SI: variants seen among roughly 807,000 people sequenced by gnomAD.
SI encodes sucrase-isomaltase, intestinal.
A neutral mutation model predicts 253.3 loss-of-function variants in SI; 235 were observed. That is an observed-to-expected ratio of 0.93 (90% CI 0.83 to 1.03). SI has a LOEUF of 1.03. Ranked by LOEUF, SI falls within the 50% of genes least tolerant of loss-of-function variation. SI has a pLI of 0.00. For synonymous variants in SI, 819 were observed against 712.0 expected (o/e 1.15, Z -2.39); for missense variants, 2,442 against 2,211.1 (o/e 1.10, Z -2.09).
At chr3:165,049,587 A>G (rs150987719) in intron 14 of SI, among the ~76,000 whole-genome samples, 3 of 152,236 alleles carry the variant, frequency 2.0e-5, no homozygotes, top group African/African-American at 4.8e-5. Context: ...TTATGGACCA[A>G]TTTTAAAGCC....
chr3:165,087,017 G>T, the SI span, among the ~76,000 whole-genome samples: 4 of 152,072 alleles, frequency 2.6e-5, no homozygotes, highest in Non-Finnish European at 4.4e-5. Flanking sequence ...AATATCCCAC[G>T]TGCTCCCCTA....
rs749139836 is a variant in SI at position 165,055,232 on chromosome 3, T to C, written c.1474A>G (p.Ile492Val). Residue 492 changes from isoleucine to valine, a missense_variant, in exon 13 of 48, where the codon ATT becomes GTT. Coordinates refer to ENST00000264382, the MANE Select transcript of SI (RefSeq NM_001041.4). The part of the protein sequence containing the change: ...CIDWWANECS[I>V]FHQEVQYDGL... Reference sequence around the variant, plus strand: ...TCATATTGCACTTCTTGATGGAAAATACTGCATTCATTTGCCCACCAATCA... The same window carrying C: ...TCATATTGCACTTCTTGATGGAAAACACTGCATTCATTTGCCCACCAATCA... The C allele has an allele frequency of 2.1e-5, 34 of 1,611,646 alleles. No individual in the cohort carries two copies. In the Middle Eastern group the frequency reaches 6.6e-4, roughly 31 times the overall value.
At chr3:165,073,977 A>G (rs951701415) in intron 3 of SI, among the ~76,000 whole-genome samples, 4 of 152,022 alleles carry the variant, frequency 2.6e-5, no homozygotes, top group Non-Finnish European at 5.9e-5. Context: ...ACACCCACAC[A>G]CAATGACTTT....
the SI span, among the ~76,000 whole-genome samples, chr3:165,086,079 C>A: frequency 6.6e-6 from 1 of 151,998 alleles, no homozygotes; most frequent in Non-Finnish European, 1.5e-5. Context: ...CATAGTGAAA[C>A]CATGTCTCTA....
rs1288978303 is a variant in SI at position 165,017,549 on chromosome 3, T to C, written c.3758A>G (p.Tyr1253Cys). 1.9e-6 allele frequency: 3 copies of C among 1,611,162 alleles called. No homozygotes were observed. Among genetic ancestry groups the C allele is most frequent in the Non-Finnish European group, 2.5e-6 (3 of 1,177,762 alleles). The change falls in exon 31 of 48, where the codon TAT becomes TGT. Residue 1253 changes from tyrosine to cysteine, a missense_variant and splice_region_variant. Physicochemically the swap from Tyr to Cys is radical, Grantham distance 194. Coordinates refer to ENST00000264382, the MANE Select transcript of SI (RefSeq NM_001041.4). ...TTGTTTTAAAATTGATATACATACA[T>C]AGGGGATGTTAGCAGCCACCATAGC... is the stretch of plus-strand genomic sequence containing the variant. ...YDAMVAANIP[Y>C]DVQYTDIDYM...
chr3:164,987,079 A>G, intron 45 of SI, 59 bp downstream of exon 45: 1 of 1,277,676 alleles, frequency 7.8e-7, no homozygotes, highest in Non-Finnish European at 1.1e-6. Flanking sequence ...TAGATAACGT[A>G]AAAGTAATGT....
rs377619918 is a variant in SI at position 164,996,517 on chromosome 3, A to T, written c.4692+18T>A. The T allele has an allele frequency of 8.1e-7, 1 of 1,240,968 alleles. No homozygotes were observed. The highest frequency in any genetic ancestry group is 1.5e-5 in the African/African-American group (1 of 67,448). The allele number at this position is 1,240,968 out of a possible 1,614,324, so 76.9% of individuals were successfully genotyped here. A position where few individuals can be genotyped will look rare whatever the true frequency, so the allele number is the denominator to read the frequency against. On this transcript the variant is annotated intron_variant, in intron 40 of 47. Transcript: ENST00000264382. ...CCCAAGTAAGAAAATACTGAAAGTA[A>T]ATGTAGTAATTACATACTCTAGTAT... is the stretch of plus-strand genomic sequence containing the variant.
intron 46 of SI, 130 bp downstream of exon 46, chr3:164,982,872 A>G: frequency 1.2e-6 from 1 of 811,890 alleles, no homozygotes; most frequent in African/African-American, 1.7e-5. Flanking sequence ...ACAGGTCTTG[A>G]ACCCCTGGCC....
chr3:164,986,835 G>A (rs1205787821), intron 45 of SI, among the ~76,000 whole-genome samples: 2 of 152,146 alleles, frequency 1.3e-5, no homozygotes, highest in Admixed American at 6.6e-5. Context: ...TGTCTATTAT[G>A]TGAATAGCAC....
intron 34 of SI, among the ~76,000 whole-genome samples, chr3:165,011,904 G>T (rs1718788084): frequency 6.6e-6 from 1 of 151,750 alleles, no homozygotes; most frequent in Non-Finnish European, 1.5e-5. Context: ...GTGCTTTCAT[G>T]TTGGGAGCAA....
chr3:165,020,766 T>G, intron 27 of SI, among the ~76,000 whole-genome samples: 1 of 151,780 alleles, frequency 6.6e-6, no homozygotes, highest in South Asian at 2.1e-4. Context: ...TTATTCATTG[T>G]AACATAAAAA....
intron 6 of SI, among the ~76,000 whole-genome samples, chr3:165,066,673 T>C (rs183291846): frequency 4.6e-5 from 7 of 152,056 alleles, no homozygotes; most frequent in Non-Finnish European, 7.4e-5. Context: ...AGGGAGATCA[T>C]ACAGTATTTG....
intron 45 of SI, 137 bp from the exon 46 acceptor site, chr3:164,983,188 C>T: frequency 3.6e-6 from 3 of 824,166 alleles, no homozygotes; most frequent in Non-Finnish European, 5.4e-6. Flanking sequence ...TTTCTCTAAG[C>T]CTATTTAACT....
intron 26 of SI, among the ~76,000 whole-genome samples, chr3:165,023,039 A>G (rs1711710210): frequency 6.6e-6 from 1 of 151,584 alleles, no homozygotes; most frequent in Admixed American, 6.6e-5. Flanking sequence ...CTTCTAAATA[A>G]TGAGCAATAA....
chr3:165,042,992 T>C, intron 17 of SI, 67 bp downstream of exon 17: 1 of 951,064 alleles, frequency 1.1e-6, no homozygotes, highest in Admixed American at 1.7e-5. Flanking sequence ...ATAGATTTAA[T>C]TTAAGTACAT....
rs150507103 is a variant in SI at position 165,056,984 on chromosome 3, C to T, written c.1399-1677G>A. On this transcript the variant is annotated intron_variant, in intron 12 of 47. Coordinates refer to ENST00000264382, the MANE Select transcript of SI (RefSeq NM_001041.4). ...TCCAGGAAAACCAGAATTCACAAAA[C>T]GAACTAAATAAGTTACCAGAGACCA... 2.6e-3 allele frequency among the ~76,000 whole-genome samples: 392 copies of T among 151,984 alleles called. 5 individuals carry two copies. The highest frequency in any genetic ancestry group is 8.2e-3 in the African/African-American group (339 of 41,492).
chr3:164,996,396 C>T (rs1312778634), intron 40 of SI, 139 bp downstream of exon 40: 7 of 634,928 alleles, frequency 1.1e-5, no homozygotes, highest in Non-Finnish European at 2.0e-5. Context: ...AAAAAAGTTC[C>T]TCCAGACAAT....
chr3:165,040,962 C>G lies in SI; in HGVS notation c.2137G>C (p.Val713Leu), dbSNP rs1195323598. The change falls in exon 18 of 48, where the codon GTA (valine) becomes CTA (leucine). Residue 713 changes from valine to leucine, a missense_variant. Physicochemically the swap from Val to Leu is conservative, Grantham distance 32 (BLOSUM62 1). Coordinates refer to ENST00000264382, the MANE Select transcript of SI (RefSeq NM_001041.4). ...CACTCATGAAGAACTGGTCTTGCTA[C>G]TGTTTCTCCAAACACATGGGCTTTA... Reference protein sequence around the residue: ...FYKAHVFGETVARPVLHEFYE... With the variant: ...FYKAHVFGETLARPVLHEFYE... The G allele has an allele frequency of 6.2e-7, 1 of 1,611,464 alleles. No individual in the cohort carries two copies. The highest frequency in any genetic ancestry group is 1.3e-5 in the African/African-American group (1 of 74,830).
rs749013790 is a variant in SI, at chr3:164,996,774, T to A, written c.4541-2A>T. 9 of 1,018,180 alleles carry A rather than the reference T, an allele frequency of 8.8e-6. No individual in the cohort carries two copies. The highest frequency in any genetic ancestry group is 2.0e-5 in the Admixed American group (1 of 50,924). 63.1% of individuals were successfully genotyped at this position (1,018,180 alleles called of 1,614,324 possible). A position where few individuals can be genotyped will look rare whatever the true frequency, so the allele number is the denominator to read the frequency against. On this transcript the variant is annotated splice_acceptor_variant, in intron 38 of 47. Transcript: ENST00000264382. LOFTEE classifies it high-confidence loss of function. ...CAAACAGACTAAATTCCATCATACC[T>A]GAAAAAGTTAGAAAAAATATCTTAG... is the stretch of plus-strand genomic sequence containing the variant.
Sources: gnomAD v4.1 joint callset for allele counts (sites outside exome capture counted in the v4.1 genomes callset) on GRCh38, gnomAD v4.1.1 for gene constraint, MANE v1.5 for transcripts, NCBI Gene and HGNC (gene_info 2026-07-23, HGNC 2026-07-21) for gene names.